Variants in GPC6 observed in about 807,000 individuals in gnomAD.
GPC6 encodes glypican 6, also known as glypican-6.
GPC6 carries 14 observed loss-of-function variants against 55.2 expected under a neutral mutation model. That is an observed-to-expected ratio of 0.25 (90% confidence interval 0.17 to 0.40). The LOEUF is 0.40. GPC6 is among the 10% of genes least tolerant of loss of function. The pLI is 1.00. For missense variants in GPC6, 641 were observed against 708.5 expected, an observed-to-expected ratio of 0.90 and a Z score of 1.08; for synonymous variants, 278 against 259.6, an observed-to-expected ratio of 1.07 and a Z score of -0.68.
rs1881304696 is a variant in GPC6, at chr13:94,404,876, T to G, written c.*1659T>G. 6.6e-6 allele frequency: 1 copy of G among 152,120 alleles called. No individual in the cohort carries two copies. Among genetic ancestry groups the G allele is most frequent in the Non-Finnish European group, 1.5e-5 (1 of 68,016 alleles). 9.4% of individuals were successfully genotyped at this position (152,120 alleles called of 1,614,324 possible). Reference sequence around the variant, plus strand: ...CTCCCCCTGACAGAGAGAAGCAAAATAAACCCAACTGGGGGCTTTATGAAT... The same window carrying G: ...CTCCCCCTGACAGAGAGAAGCAAAAGAAACCCAACTGGGGGCTTTATGAAT... On this transcript the variant is annotated 3_prime_UTR_variant, in exon 9 of 9. Transcript: ENST00000377047.
At chr13:93,699,121 CACAAGGG>C (rs1882580742) in intron 2 of GPC6, among the ~76,000 whole-genome samples, 1 of 152,032 alleles carries the variant, frequency 6.6e-6, no homozygotes, top group African/African-American at 2.4e-5. Flanking sequence ...GAAAGACTGG[CACAAGGG>C]AGGGAGCCCA....
Position 93,991,970 on chromosome 13 carries a change from C to G in GPC6, c.712-35759C>G, listed in dbSNP as rs141087488. Among the ~76,000 whole-genome samples, 301 of 152,044 alleles carry G rather than the reference C, an allele frequency of 2.0e-3. 3 individuals are homozygous for G. In the Middle Eastern group the frequency reaches 0.028, roughly 14 times the overall value. On this transcript the variant is annotated intron_variant, in intron 3 of 8. Transcript: ENST00000377047. ...GTGTATTTCCATAAAACTATATATACATACATGTGGCATATACATAAACAT... is the reference window on the plus strand; with the variant it reads ...GTGTATTTCCATAAAACTATATATAGATACATGTGGCATATACATAAACAT...
chr13:93,557,457 G>A (rs577592134), intron 2 of GPC6, among the ~76,000 whole-genome samples: 1 of 152,278 alleles, frequency 6.6e-6, no homozygotes, highest in South Asian at 2.1e-4. Flanking sequence ...AATGATTTAA[G>A]CAAAGTAGAG....
chr13:94,099,425 A>T (rs117091556), intron 4 of GPC6, among the ~76,000 whole-genome samples: 2,177 of 152,172 alleles, frequency 0.014, 23 homozygotes, highest in Non-Finnish European at 0.022. Context: ...TATTTTTTGC[A>T]TATTATGGCT....
At chr13:93,554,902 C>T (rs1875375161) in intron 2 of GPC6, among the ~76,000 whole-genome samples, 1 of 151,984 alleles carries the variant, frequency 6.6e-6, no homozygotes, top group African/African-American at 2.4e-5. Flanking sequence ...AAAAGGTTTG[C>T]TATATTCATT....
chr13:93,809,253 G>T (rs1886627985), intron 2 of GPC6, among the ~76,000 whole-genome samples: 1 of 152,160 alleles, frequency 6.6e-6, no homozygotes, highest in African/African-American at 2.4e-5. Context: ...AGAGTTCCCA[G>T]GATCAGTGAC....
intron 1 of GPC6, among the ~76,000 whole-genome samples, chr13:93,466,199 C>T (rs949743671): frequency 6.7e-6 from 1 of 149,684 alleles, no homozygotes. Flanking sequence ...AGGGTTGCCA[C>T]AAACTTTCAA....
intron 3 of GPC6, among the ~76,000 whole-genome samples, chr13:93,888,791 G>T (rs969174788): frequency 6.6e-6 from 1 of 152,124 alleles, no homozygotes; most frequent in Non-Finnish European, 1.5e-5. Flanking sequence ...TAAGCATTCT[G>T]CAAAAGCAGG....
At chr13:93,698,510 T>TTTTTA (rs1555325235) in intron 2 of GPC6, among the ~76,000 whole-genome samples, 1 of 127,410 alleles carries the variant, frequency 7.8e-6, no homozygotes, top group Non-Finnish European at 1.7e-5. Context: ...TTTTTTTTTT[T>TTTTTA]ACTGTCAGGT....
intron 1 of GPC6, among the ~76,000 whole-genome samples, chr13:93,440,457 A>G (rs937107569): frequency 6.6e-6 from 1 of 152,174 alleles, no homozygotes. Context: ...GGAAAAGCTG[A>G]ACCAAGTGCA....
intron 2 of GPC6, among the ~76,000 whole-genome samples, chr13:93,719,290 G>C (rs1883364473): frequency 6.6e-6 from 1 of 151,986 alleles, no homozygotes; most frequent in African/African-American, 2.4e-5. Flanking sequence ...CCTTGAAGAG[G>C]TCCTTCACAT....
intron 1 of GPC6, among the ~76,000 whole-genome samples, chr13:93,477,357 G>A (rs920811241): frequency 1.5e-4 from 23 of 152,180 alleles, no homozygotes; most frequent in African/African-American, 5.5e-4. Context: ...TGAGAGAAAG[G>A]AAGATCCCTC....
At chr13:94,233,477 A>C (rs1451453615) in intron 4 of GPC6, among the ~76,000 whole-genome samples, 1 of 152,174 alleles carries the variant, frequency 6.6e-6, no homozygotes, top group Non-Finnish European at 1.5e-5. Flanking sequence ...TAGCTTGAAA[A>C]TATTAAATGG....
At chr13:93,341,692 C>G (rs2139151419) in intron 1 of GPC6, among the ~76,000 whole-genome samples, 1 of 134,006 alleles carries the variant, frequency 7.5e-6, no homozygotes, top group South Asian at 2.5e-4. Flanking sequence ...GTTTACTCCG[C>G]TGCTTTTTTT....
At chr13:93,811,312 C>T (rs1225355384) in intron 2 of GPC6, among the ~76,000 whole-genome samples, 1 of 152,208 alleles carries the variant, frequency 6.6e-6, no homozygotes, top group East Asian at 1.9e-4. Flanking sequence ...CAAAAACAAG[C>T]CATGCCCAAC....
At chr13:94,224,247 T>C (rs1326985044) in intron 4 of GPC6, among the ~76,000 whole-genome samples, 5 of 77,166 alleles carry the variant, frequency 6.5e-5, no homozygotes, top group African/African-American at 2.2e-4. Context: ...TTTTTGTATA[T>C]CATCTTTAAA....
In GPC6 at chr13:94,185,081, G is replaced by A. The variant is rs191041949; in HGVS notation, c.878-101268G>A. Among the ~76,000 whole-genome samples, 183 of 152,114 alleles carry A rather than the reference G, an allele frequency of 1.2e-3. 1 individual carries two copies. Among genetic ancestry groups the A allele is most frequent in the South Asian group, 2.1e-3 (10 of 4,814 alleles). On this transcript the variant is annotated intron_variant, in intron 4 of 8. Transcript: ENST00000377047. ...CGTATGTTCTCACTTATATGTGGGA[G>A]GTAAACATTGAGCACCCATGGACAT...
Position 93,324,582 on chromosome 13 carries a change from A to G in GPC6, c.160+96966A>G, listed in dbSNP as rs1204459808. On this transcript the variant is annotated intron_variant, in intron 1 of 8. Transcript: ENST00000377047. Reference sequence around the variant, plus strand: ...TGTGTATATATATATACACACACATACATACATATATATATATATATATAT... The same window carrying G: ...TGTGTATATATATATACACACACATGCATACATATATATATATATATATAT... Among the ~76,000 whole-genome samples the G allele has an allele frequency of 5.9e-5, 6 of 101,756 alleles. No individual in the cohort carries two copies. The South Asian group carries it at 2.2e-3, about 37-fold the overall frequency. 66.8% of individuals were successfully genotyped at this position (101,756 alleles called of 152,430 possible).
intron 1 of GPC6, among the ~76,000 whole-genome samples, chr13:93,431,697 T>C (rs989130607): frequency 1.3e-5 from 2 of 152,160 alleles, no homozygotes; most frequent in Non-Finnish European, 2.9e-5. Flanking sequence ...AATATGTATA[T>C]ACTAGGAGCC....
Sources: allele counts gnomAD v4.1 joint callset (sites outside exome capture counted in the v4.1 genomes callset), GRCh38; gene constraint gnomAD v4.1.1; transcripts MANE v1.5; gene names NCBI Gene and HGNC (gene_info 2026-07-23, HGNC 2026-07-21).